MTUS2: variants seen among roughly 807,000 people sequenced by gnomAD.
MTUS2 encodes microtubule-associated tumor suppressor candidate 2.
MTUS2 carries 40 observed loss-of-function variants against 114.1 expected under a neutral mutation model. The observed-to-expected ratio is 0.35, with a 90% confidence interval of 0.27 to 0.46. The LOEUF is 0.46. Ranked by LOEUF, MTUS2 falls within the 20% of genes least tolerant of loss-of-function variation. The pLI, the probability that MTUS2 is intolerant of heterozygous loss-of-function variation, is 1.00. For synonymous variants in MTUS2, 688 were observed against 672.0 expected (o/e 1.02, Z -0.37); for missense variants, 1,679 against 1,705.4 (o/e 0.98, Z 0.27).
intron 6 of MTUS2, among the ~76,000 whole-genome samples, chr13:29,320,956 G>A (rs961818928): frequency 3.3e-5 from 5 of 152,196 alleles, no homozygotes; most frequent in African/African-American, 1.2e-4. Flanking sequence ...GTGACTGGGA[G>A]GACAATTGAC....
At chr13:28,885,129 G>T (rs1878516536) in intron 2 of MTUS2, among the ~76,000 whole-genome samples, 1 of 151,910 alleles carries the variant, frequency 6.6e-6, no homozygotes, top group African/African-American at 2.4e-5. Context: ...ATTTGATTTG[G>T]GTGTTTTAGG....
At chr13:29,035,045 G>A (rs1024439638) in intron 4 of MTUS2, among the ~76,000 whole-genome samples, 2 of 152,062 alleles carry the variant, frequency 1.3e-5, no homozygotes, top group African/African-American at 2.4e-5. Flanking sequence ...AAATACCACC[G>A]TGATACAGAC....
chr13:29,045,044 T>C (rs1887551252), intron 4 of MTUS2, among the ~76,000 whole-genome samples: 1 of 152,212 alleles, frequency 6.6e-6, no homozygotes, highest in African/African-American at 2.4e-5. Flanking sequence ...TTCAAATCTC[T>C]GACATGCTCC....
chr13:28,951,077 G>C (rs1379887661), intron 2 of MTUS2, among the ~76,000 whole-genome samples: 2 of 152,082 alleles, frequency 1.3e-5, no homozygotes, highest in Non-Finnish European at 2.9e-5. Context: ...AAAATTGTTA[G>C]AACTAATAAA....
intron 5 of MTUS2, among the ~76,000 whole-genome samples, chr13:29,119,351 A>T (rs1891215179): frequency 6.6e-6 from 1 of 152,168 alleles, no homozygotes; most frequent in Admixed American, 6.5e-5. Context: ...GACACTGCAT[A>T]ACAAAAAAAA....
chr13:29,083,428 T>A (rs1486091917), intron 4 of MTUS2, among the ~76,000 whole-genome samples: 1 of 152,200 alleles, frequency 6.6e-6, no homozygotes, highest in Non-Finnish European at 1.5e-5. Context: ...GGCCACCAGC[T>A]AAAGATAGGT....
intron 5 of MTUS2, among the ~76,000 whole-genome samples, chr13:29,184,975 G>A (rs73166469): frequency 0.15 from 22,714 of 151,958 alleles, 1,878 homozygotes; most frequent in East Asian, 0.31. Flanking sequence ...TGGCTTTAAA[G>A]CAGATGTTTT....
intron 5 of MTUS2, among the ~76,000 whole-genome samples, chr13:29,238,746 C>T (rs1896626344): frequency 6.6e-6 from 1 of 152,176 alleles, no homozygotes; most frequent in East Asian, 1.9e-4. Context: ...CAGACACACT[C>T]AGGAACAATA....
rs138168673 is a variant in MTUS2 at position 28,940,863 on chromosome 13, G to A, written c.-242-83594G>A. 1.6e-3 allele frequency among the ~76,000 whole-genome samples: 241 copies of A among 152,114 alleles called. 1 individual carries two copies. Among genetic ancestry groups the A allele is most frequent in the African/African-American group, 5.4e-3 (224 of 41,526 alleles). Reference sequence around the variant, plus strand: ...TTTAGAGTTCCAGAAAATGAGTGGGGGATGGAGGCTGGGAGGAGAGAGAGA... The same window carrying A: ...TTTAGAGTTCCAGAAAATGAGTGGGAGATGGAGGCTGGGAGGAGAGAGAGA... On this transcript the variant is annotated intron_variant, in intron 2 of 15. Transcript: ENST00000612955.
At chr13:29,416,607 A>C (rs575893236) in intron 8 of MTUS2, among the ~76,000 whole-genome samples, 1 of 152,244 alleles carries the variant, frequency 6.6e-6, no homozygotes, top group South Asian at 2.1e-4. Context: ...GCCTCAAGAA[A>C]AAACTCACAG....
intron 8 of MTUS2, among the ~76,000 whole-genome samples, chr13:29,402,327 C>T (rs1874408303): frequency 6.6e-6 from 1 of 152,128 alleles, no homozygotes; most frequent in African/African-American, 2.4e-5. Context: ...TTGAACCAAG[C>T]AGAGCCTCTC....
chr13:29,400,913 T>G (rs544152882), intron 8 of MTUS2, among the ~76,000 whole-genome samples: 103 of 152,360 alleles, frequency 6.8e-4, no homozygotes, highest in Non-Finnish European at 1.1e-3. Flanking sequence ...GTTCATCTTT[T>G]GCATATTGAT....
At chr13:28,970,280 G>T (rs1883793222) in intron 2 of MTUS2, among the ~76,000 whole-genome samples, 1 of 152,114 alleles carries the variant, frequency 6.6e-6, no homozygotes, top group African/African-American at 2.4e-5. Flanking sequence ...TACAAATGTA[G>T]AATAATATAA....
At chr13:28,911,950 G>C (rs1053622607) in intron 2 of MTUS2, among the ~76,000 whole-genome samples, 1 of 150,944 alleles carries the variant, frequency 6.6e-6, no homozygotes, top group Admixed American at 6.6e-5. Context: ...TATTCTGTAG[G>C]TTGTCTCTTC....
chr13:28,957,172 C>G (rs1226957083), intron 2 of MTUS2, among the ~76,000 whole-genome samples: 1 of 152,184 alleles, frequency 6.6e-6, no homozygotes, highest in African/African-American at 2.4e-5. Context: ...CAACTTGGTA[C>G]TTTGGCCCAT....
At position 29,230,673 on chromosome 13, in the gene MTUS2, A is replaced by G. The variant is rs1177497679; in HGVS notation, c.2645-51031A>G. ...CAATTAAGCATTATTTATTTTCACA[A>G]ACTTTGAAATCAGGTAACTTTGGAA... On this transcript the variant is annotated intron_variant, in intron 5 of 15. Coordinates refer to ENST00000612955, the MANE Select transcript of MTUS2 (RefSeq NM_001033602.4). 2.0e-5 allele frequency among the ~76,000 whole-genome samples: 3 copies of G among 152,226 alleles called. 1 individual carries two copies. Among genetic ancestry groups the G allele is most frequent in the South Asian group, 4.1e-4 (2 of 4,834 alleles).
chr13:29,222,978 A>G lies in MTUS2; in HGVS notation c.2645-58726A>G, dbSNP rs74910377. 4.7e-3 allele frequency among the ~76,000 whole-genome samples: 714 copies of G among 152,336 alleles called. 6 individuals are homozygous for G. Among genetic ancestry groups the G allele is most frequent in the African/African-American group, 0.016 (677 of 41,594 alleles). ...ACCAACGAACATGGGACAGAGGCCA[A>G]GTCAGGACTAAGGGTGGCTCAGTGT... On this transcript the variant is annotated intron_variant, in intron 5 of 15. Transcript: ENST00000612955.
chr13:29,147,511 T>C (rs1483177790), intron 5 of MTUS2, among the ~76,000 whole-genome samples: 6 of 152,164 alleles, frequency 3.9e-5, no homozygotes, highest in Non-Finnish European at 8.8e-5. Flanking sequence ...ATGCTGAGGA[T>C]TGGGGTTTGA....
At chr13:29,463,842 T>C (rs1879694507) in intron 9 of MTUS2, among the ~76,000 whole-genome samples, 1 of 151,994 alleles carries the variant, frequency 6.6e-6, no homozygotes, top group Non-Finnish European at 1.5e-5. Flanking sequence ...CTACTAAAAA[T>C]ATGAAAATTA....
Sources: allele counts gnomAD v4.1 joint callset (sites outside exome capture counted in the v4.1 genomes callset), GRCh38; gene constraint gnomAD v4.1.1; transcripts MANE v1.5; gene names NCBI Gene and HGNC (gene_info 2026-07-23, HGNC 2026-07-21).